The following ADGB variants were observed in gnomAD, a reference collection of about 807,000 sequenced individuals.
ADGB encodes androglobin.
In ADGB, 172 loss-of-function variants were observed where a neutral mutation model predicts 210.5. The ratio of observed to expected loss-of-function variants is 0.82; its 90% CI spans 0.72 to 0.93. ADGB has a LOEUF of 0.93. Among genes scored for constraint, ADGB ranks in the 40% least tolerant of loss-of-function variants. The pLI, the probability that ADGB is intolerant of heterozygous loss-of-function variation, is 0.00. For missense variants in ADGB, 2,025 were observed against 1,964.8 expected, an observed-to-expected ratio of 1.03 and a Z score of -0.58; for synonymous variants, 658 against 662.7, an observed-to-expected ratio of 0.99 and a Z score of 0.11.
intron 4 of ADGB, among the ~76,000 whole-genome samples, chr6:146,656,159 C>A (rs1307141484): frequency 6.6e-6 from 1 of 152,196 alleles, no homozygotes; most frequent in Non-Finnish European, 1.5e-5. Context: ...GATTCAAATC[C>A]TGATCTCTGT....
chr6:146,615,164 C>T (rs1780779380), intron 1 of ADGB, among the ~76,000 whole-genome samples: 1 of 152,044 alleles, frequency 6.6e-6, no homozygotes, highest in African/African-American at 2.4e-5. Context: ...CCTTGGCCTC[C>T]CAAATTGCTG....
chr6:146,730,972 TGA>T lies in ADGB; in HGVS notation c.2521-2134_2521-2133del, dbSNP rs1173295212. On this transcript the variant is annotated intron_variant, in intron 20 of 35. Transcript: ENST00000397944. ...AATAAATAAGATTTACATACATTTCTGAGAGAGAGAGAGAGGAACAGAGAGAG... is the reference window on the plus strand; with the variant it reads ...AATAAATAAGATTTACATACATTTCTGAGAGAGAGAGAGGAACAGAGAGAG... 4.0e-5 allele frequency among the ~76,000 whole-genome samples: 6 copies of T among 151,286 alleles called. No homozygotes were observed. The South Asian group carries it at 6.3e-4, about 16-fold the overall frequency.
intron 35 of ADGB, chr6:146,802,790 ATC>A (rs912918441): frequency 1.2e-6 from 2 of 1,605,568 alleles, no homozygotes; most frequent in African/African-American, 2.7e-5. Flanking sequence ...AGTAGATGAA[ATC>A]TCTCAATGTA....
intron 1 of ADGB, among the ~76,000 whole-genome samples, chr6:146,601,213 ACTGT>A (rs1298205369): frequency 6.6e-6 from 1 of 152,298 alleles, no homozygotes; most frequent in Middle Eastern, 3.4e-3. Context: ...TCTTACTAAG[ACTGT>A]CTATTTCTTT....
chr6:146,642,587 G>T (rs1306683403), intron 2 of ADGB, among the ~76,000 whole-genome samples: 1 of 151,876 alleles, frequency 6.6e-6, no homozygotes, highest in African/African-American at 2.4e-5. Flanking sequence ...CCATAAAAAA[G>T]AACAAGATCG....
chr6:146,696,203 G>A (rs1009917520), intron 12 of ADGB, among the ~76,000 whole-genome samples: 2 of 151,854 alleles, frequency 1.3e-5, no homozygotes, highest in Non-Finnish European at 2.9e-5. Context: ...AGCCTCCCAA[G>A]TAGCTGGGAT....
chr6:146,700,465 G>A (rs942777799), intron 12 of ADGB, among the ~76,000 whole-genome samples: 1 of 152,086 alleles, frequency 6.6e-6, no homozygotes, highest in Non-Finnish European at 1.5e-5. Flanking sequence ...TAAAATTCTA[G>A]CGATGGCAAG....
At chr6:146,650,170 G>T (rs1775680055) in intron 3 of ADGB, among the ~76,000 whole-genome samples, 1 of 152,122 alleles carries the variant, frequency 6.6e-6, no homozygotes, top group Non-Finnish European at 1.5e-5. Flanking sequence ...AAAATTTTGG[G>T]TAAAGCTGTT....
intron 13 of ADGB, among the ~76,000 whole-genome samples, chr6:146,705,279 T>C (rs1326729184): frequency 6.6e-6 from 1 of 152,156 alleles, no homozygotes; most frequent in Non-Finnish European, 1.5e-5. Context: ...GCCTTTTCTT[T>C]ATTTTGCCTA....
At chr6:146,672,155 C>A (rs1776018263) in intron 7 of ADGB, 65 bp from the exon 8 acceptor site, 2 of 1,436,372 alleles carry the variant, frequency 1.4e-6, no homozygotes, top group Non-Finnish European at 1.8e-6. Flanking sequence ...TCAGTAATTT[C>A]TTGCGAAGTT....
chr6:146,653,962 C>T (rs142973068), intron 3 of ADGB, among the ~76,000 whole-genome samples, 173 bp from the exon 4 acceptor site: 514 of 152,140 alleles, frequency 3.4e-3, no homozygotes, highest in African/African-American at 9.1e-3. Flanking sequence ...ATTATTGGAA[C>T]GCTAAGCATG....
intron 9 of ADGB, among the ~76,000 whole-genome samples, chr6:146,681,123 G>A (rs923055268): frequency 6.6e-5 from 10 of 152,058 alleles, no homozygotes; most frequent in African/African-American, 1.2e-4. Flanking sequence ...ATTTGTCCTC[G>A]CCCAAACTTC....
intron 29 of ADGB, among the ~76,000 whole-genome samples, chr6:146,777,677 T>C (rs1777739552): frequency 6.6e-6 from 1 of 152,216 alleles, no homozygotes; most frequent in Non-Finnish European, 1.5e-5. Flanking sequence ...ACCACTCTTG[T>C]GAGGGTACCT....
chr6:146,802,751 G>A (rs1778152466), intron 35 of ADGB: 1 of 1,561,144 alleles, frequency 6.4e-7, no homozygotes, highest in South Asian at 1.1e-5. Flanking sequence ...ACACAGTTCA[G>A]GGATGTTTTG....
At chr6:146,722,706 A>G (rs1252294287) in intron 17 of ADGB, among the ~76,000 whole-genome samples, 1 of 152,186 alleles carries the variant, frequency 6.6e-6, no homozygotes, top group East Asian at 1.9e-4. Flanking sequence ...ACTCATGTTC[A>G]GATGATGACC....
intron 10 of ADGB, among the ~76,000 whole-genome samples, chr6:146,689,217 A>C (rs1248828210): frequency 6.6e-6 from 1 of 152,170 alleles, no homozygotes; most frequent in Non-Finnish European, 1.5e-5. Flanking sequence ...TTGAGTGCCT[A>C]GGAAAAACTC....
chr6:146,744,584 A>G (rs1340104638), intron 25 of ADGB, among the ~76,000 whole-genome samples: 1 of 152,216 alleles, frequency 6.6e-6, no homozygotes, highest in African/African-American at 2.4e-5. Context: ...TATTAAACTT[A>G]CTAATCTGTG....
intron 26 of ADGB, among the ~76,000 whole-genome samples, chr6:146,752,005 G>A (rs1251978954): frequency 6.6e-6 from 1 of 152,042 alleles, no homozygotes; most frequent in Non-Finnish European, 1.5e-5. Context: ...TTACTTTTAG[G>A]TTATCATATC....
intron 1 of ADGB, among the ~76,000 whole-genome samples, chr6:146,612,935 A>G (rs1035341011): frequency 6.6e-6 from 1 of 152,178 alleles, no homozygotes; most frequent in African/African-American, 2.4e-5. Flanking sequence ...CTATGTTTAT[A>G]GTAACTTTTT....
Sources: allele counts gnomAD v4.1 joint callset (sites outside exome capture counted in the v4.1 genomes callset), GRCh38; gene constraint gnomAD v4.1.1; transcripts MANE v1.5; gene names NCBI Gene and HGNC (gene_info 2026-07-23, HGNC 2026-07-21).